FOXN3: variants seen among roughly 807,000 people sequenced by gnomAD.
The protein encoded by FOXN3 is forkhead box N3.
A neutral mutation model predicts 38.4 loss-of-function variants in FOXN3; 7 were observed. That is an observed-to-expected ratio of 0.18 (90% confidence interval 0.10 to 0.34). The LOEUF (loss-of-function observed/expected upper bound fraction) is 0.34. Ranked by LOEUF, FOXN3 falls within the 10% of genes least tolerant of loss-of-function variation. The pLI is 1.00. For synonymous variants in FOXN3, 230 were observed against 242.2 expected, an observed-to-expected ratio of 0.95 and a Z score of 0.47; for missense variants, 456 against 613.4, an observed-to-expected ratio of 0.74 and a Z score of 2.71.
intron 3 of FOXN3, among the ~76,000 whole-genome samples, chr14:89,345,625 T>C (rs1420635376): frequency 6.6e-6 from 1 of 151,634 alleles, no homozygotes; most frequent in Non-Finnish European, 1.5e-5. Flanking sequence ...CCTCCCAACC[T>C]TCCCCCTACT....
intron 1 of FOXN3, among the ~76,000 whole-genome samples, chr14:89,549,903 C>T (rs1894966009): frequency 6.6e-6 from 1 of 152,318 alleles, no homozygotes; most frequent in African/African-American, 2.4e-5. Flanking sequence ...GAGTTTCAGA[C>T]TGTGAGGTTC....
rs201863618 is a variant in FOXN3, at chr14:89,544,075, A to AT, written c.-15+74952dup. Among the ~76,000 whole-genome samples, 805 of 151,618 alleles carry AT rather than the reference A, an allele frequency of 5.3e-3. 9 individuals are homozygous for AT. The highest frequency in any genetic ancestry group is 0.019 in the African/African-American group (766 of 41,348). ...TACAGTCTGGTACTATTTTAGCTGCATTTTTTTTAAGAGATTGCTTTTTTT... is the reference window on the plus strand; with the variant it reads ...TACAGTCTGGTACTATTTTAGCTGCATTTTTTTTTAAGAGATTGCTTTTTTT... On this transcript the variant is annotated intron_variant, in intron 1 of 6. Coordinates refer to the FOXN3 transcript ENST00000345097.
intron 4 of FOXN3, among the ~76,000 whole-genome samples, chr14:89,204,953 T>C (rs1166321013): frequency 1.4e-5 from 2 of 142,460 alleles, no homozygotes; most frequent in Non-Finnish European, 2.9e-5. Flanking sequence ...ATTAAGACTA[T>C]ACATAAAGGT....
intron 1 of FOXN3, among the ~76,000 whole-genome samples, chr14:89,537,478 T>A (rs1320813036): frequency 1.3e-5 from 2 of 152,092 alleles, no homozygotes; most frequent in Admixed American, 6.5e-5. Context: ...GATGGATGGA[T>A]GGATGGATGG....
intron 3 of FOXN3, among the ~76,000 whole-genome samples, chr14:89,320,880 A>G (rs1367083573): frequency 6.6e-6 from 1 of 152,222 alleles, no homozygotes; most frequent in Non-Finnish European, 1.5e-5. Context: ...CACAAACGGC[A>G]GACAGCATGG....
chr14:89,469,801 G>A (rs1386053423), intron 1 of FOXN3, among the ~76,000 whole-genome samples: 1 of 152,220 alleles, frequency 6.6e-6, no homozygotes, highest in Non-Finnish European at 1.5e-5. Flanking sequence ...ATCCGAAGGA[G>A]AGAAAAGGCA....
chr14:89,488,377 G>A (rs534272111), intron 1 of FOXN3, among the ~76,000 whole-genome samples: 75 of 152,116 alleles, frequency 4.9e-4, no homozygotes, highest in African/African-American at 1.8e-3. Context: ...CAGGCATGGT[G>A]ACTCATGCCT....
intron 1 of FOXN3, among the ~76,000 whole-genome samples, chr14:89,563,696 G>C (rs1418349885): frequency 1.2e-4 from 19 of 152,152 alleles, no homozygotes; most frequent in Admixed American, 1.2e-3. Flanking sequence ...GGGCAGGTGT[G>C]AGGGACATTT....
chr14:89,493,392 A>G (rs1216413656), intron 1 of FOXN3, among the ~76,000 whole-genome samples: 1 of 152,196 alleles, frequency 6.6e-6, no homozygotes, highest in Non-Finnish European at 1.5e-5. Context: ...AGGCAAATAA[A>G]TACTCATTTG....
intron 4 of FOXN3, among the ~76,000 whole-genome samples, chr14:89,220,911 C>A (rs1017877679): frequency 6.6e-6 from 1 of 151,982 alleles, no homozygotes; most frequent in Non-Finnish European, 1.5e-5. Context: ...GGGGAGGCAA[C>A]CCTGACAGCA....
chr14:89,383,800 T>TC (rs1890722364), intron 2 of FOXN3, among the ~76,000 whole-genome samples: 1 of 151,818 alleles, frequency 6.6e-6, no homozygotes, highest in Non-Finnish European at 1.5e-5. Context: ...TGTATTCATT[T>TC]TTTTTTTTGA....
intron 4 of FOXN3, among the ~76,000 whole-genome samples, chr14:89,192,348 T>C (rs1412373582): frequency 6.9e-6 from 1 of 145,790 alleles, no homozygotes; most frequent in African/African-American, 2.5e-5. Context: ...TTATATGTAA[T>C]AGTATACAGT....
chr14:89,281,770 T>C (rs1317328046), intron 3 of FOXN3, among the ~76,000 whole-genome samples: 3 of 152,214 alleles, frequency 2.0e-5, no homozygotes. Context: ...GAAAGTAGGT[T>C]ATATTCTAAA....
At chr14:89,583,620 G>A (rs1422347461) in intron 1 of FOXN3, among the ~76,000 whole-genome samples, 1 of 152,120 alleles carries the variant, frequency 6.6e-6, no homozygotes, top group East Asian at 1.9e-4. Flanking sequence ...GAGTGCAGTG[G>A]CACCATCTCA....
intron 4 of FOXN3, among the ~76,000 whole-genome samples, chr14:89,217,474 C>T (rs376223933): frequency 5.8e-4 from 88 of 152,264 alleles, no homozygotes; most frequent in Non-Finnish European, 7.9e-4. Flanking sequence ...ACCTCTGCCA[C>T]GCCTAGCTGC....
chr14:89,431,078 G>A (rs1395345106), intron 1 of FOXN3, among the ~76,000 whole-genome samples: 1 of 152,232 alleles, frequency 6.6e-6, no homozygotes, highest in Non-Finnish European at 1.5e-5. Flanking sequence ...TGTCTGAAAT[G>A]CAAAGCAATC....
intron 1 of FOXN3, among the ~76,000 whole-genome samples, chr14:89,527,639 C>G (rs1894459099): frequency 6.6e-6 from 1 of 151,452 alleles, no homozygotes; most frequent in South Asian, 2.1e-4. Flanking sequence ...CCACAATAGC[C>G]ATTAAGGAAA....
chr14:89,452,005 A>T (rs1208644281), intron 1 of FOXN3, among the ~76,000 whole-genome samples: 1 of 152,072 alleles, frequency 6.6e-6, no homozygotes, highest in Non-Finnish European at 1.5e-5. Context: ...AGGGAGTAAG[A>T]AGGAACCACA....
intron 1 of FOXN3, among the ~76,000 whole-genome samples, chr14:89,537,295 A>T (rs979622002): frequency 2.2e-5 from 3 of 138,298 alleles, no homozygotes; most frequent in African/African-American, 8.3e-5. Flanking sequence ...GAATGGATGG[A>T]TGGTCTGTTC....
Sources: gnomAD v4.1 joint callset for allele counts (sites outside exome capture counted in the v4.1 genomes callset) on GRCh38, gnomAD v4.1.1 for gene constraint, MANE v1.5 for transcripts, NCBI Gene and HGNC (gene_info 2026-07-23, HGNC 2026-07-21) for gene names.